The following IGSF9 variants were observed in gnomAD, a reference collection of about 807,000 sequenced individuals.
IGSF9 encodes the protein immunoglobulin superfamily member 9.
Under a neutral mutation model 121.7 loss-of-function variants are expected in IGSF9, and 87 were observed. The ratio of observed to expected loss-of-function variants is 0.71; its 90% CI spans 0.60 to 0.85. The LOEUF is 0.85. Ranked by LOEUF, IGSF9 falls within the 40% of genes least tolerant of loss-of-function variation. IGSF9 has a pLI of 0.00. For synonymous variants in IGSF9, 640 were observed against 648.4 expected (o/e 0.99, Z 0.20); for missense variants, 1,462 against 1,565.3 (o/e 0.93, Z 1.11).
intron 6 of IGSF9, 102 bp downstream of exon 6, chr1:159,936,297 G>A (rs1261954157): frequency 1.9e-6 from 2 of 1,047,878 alleles, no homozygotes; most frequent in East Asian, 2.4e-5. Context: ...CCTGCCCTCA[G>A]GCACAAATCT....
In IGSF9 at chr1:159,927,464, G is replaced by A. The variant is rs750420070; in HGVS notation, c.3421C>T (p.Arg1141Cys). 6 of 1,614,026 alleles carry A rather than the reference G, an allele frequency of 3.7e-6. No homozygotes were observed. Among genetic ancestry groups the A allele is most frequent in the South Asian group, 2.2e-5 (2 of 91,086 alleles). The part of the protein sequence containing the change: ...NTAHVTGPEA[R>C]CAALREEFLA... The stretch of plus-strand genomic sequence containing the variant: ...AATTCCTCCCGAAGGGCAGCACAGC[G>A]GGCCTCAGGGCCAGTAACATGGGCA... The change falls in exon 21 of 21, where the codon CGC becomes TGC. Residue 1141 changes from arginine to cysteine, a missense_variant. Arg to Cys is a radical substitution (Grantham distance 180). Transcript: ENST00000368094.
intron 6 of IGSF9, among the ~76,000 whole-genome samples, chr1:159,935,559 T>G (rs1340416183): frequency 6.6e-6 from 1 of 152,178 alleles, no homozygotes; most frequent in Non-Finnish European, 1.5e-5. Context: ...GCTACTACAG[T>G]TCCACTACTC....
At position 159,927,076 on chromosome 1, in the gene IGSF9, T is replaced by TCACACACACACA. The variant is rs138111490; in HGVS notation, c.*257_*268dup. ...TTTGTTTATTCACCTGTAAAAAACTTCACACACACACACACACACACAGAG... is the reference window on the plus strand; with the variant it reads ...TTTGTTTATTCACCTGTAAAAAACTTCACACACACACACACACACACACACACACACACAGAG... On this transcript the variant is annotated 3_prime_UTR_variant, in exon 21 of 21. Coordinates refer to ENST00000368094, the MANE Select transcript of IGSF9 (RefSeq NM_001135050.2). 2.7e-4 allele frequency: 96 copies of TCACACACACACA among 362,242 alleles called. No homozygotes were observed. Among genetic ancestry groups the TCACACACACACA allele is most frequent in the African/African-American group, 1.8e-3 (76 of 43,182 alleles). 22.4% of individuals were successfully genotyped at this position (362,242 alleles called of 1,614,324 possible).
In IGSF9 at chr1:159,934,547, A is replaced by G; in HGVS notation, c.839T>C (p.Ile280Thr). The G allele has an allele frequency of 6.2e-7, 1 of 1,613,944 alleles. No individual in the cohort carries two copies. Among genetic ancestry groups the G allele is most frequent in the South Asian group, 1.1e-5 (1 of 91,068 alleles). ...HISRLQPRVR[I>T]LVDGSLRLLA... ...CAGCCGCAGGCTCCCGTCCACCAGG[A>G]TCCGCACCCGGGGCTGCAGGCGGCT... The change falls in exon 8 of 21, where the codon ATC becomes ACC. Residue 280 changes from isoleucine to threonine, a missense_variant. Ile to Thr is a moderately conservative substitution (Grantham distance 89). Coordinates refer to ENST00000368094, the MANE Select transcript of IGSF9 (RefSeq NM_001135050.2).
intron 13 of IGSF9, 64 bp from the exon 14 acceptor site, chr1:159,930,931 A>G: frequency 6.7e-7 from 1 of 1,495,240 alleles, no homozygotes; most frequent in Non-Finnish European, 9.0e-7. Flanking sequence ...TCTGGGGTCC[A>G]GAGATCTAAC....
At position 159,937,716 on chromosome 1, in the gene IGSF9, T is replaced by C. The variant is rs766563398; in HGVS notation, c.370A>G (p.Asn124Asp). 1.6e-5 allele frequency: 26 copies of C among 1,613,826 alleles called. No homozygotes were observed. In the South Asian group the frequency reaches 2.6e-4, roughly 16 times the overall value. Residue 124 changes from asparagine to aspartate, a missense_variant, in exon 4 of 21, where the codon AAC becomes GAC. Transcript: ENST00000368094. ...DQHIPEDDFANGSWVHLTVNS... is the reference protein window; with the variant it reads ...DQHIPEDDFADGSWVHLTVNS... ...ACTGTCAGATGCACCCAGGAGCCGT[T>C]AGCAAAATCGTCTTCAGGGATGTGC...
rs961787849 is a variant in IGSF9, at chr1:159,932,003, C to T, written c.1246-75G>A. 8 of 901,442 alleles carry T rather than the reference C, an allele frequency of 8.9e-6. No homozygotes were observed. Among genetic ancestry groups the T allele is most frequent in the Non-Finnish European group, 1.4e-5 (8 of 575,072 alleles). 55.8% of individuals were successfully genotyped at this position (901,442 alleles called of 1,614,324 possible). On this transcript the variant is annotated intron_variant, in intron 10 of 20. Transcript: ENST00000368094. The surrounding 1 kb of genome is among the most constrained non-coding windows in gnomAD (Gnocchi z 4.1). ...TGGCTACTCCCTCTCTCTGTGCTCC[C>T]TGTCATGCCATGTCTCACCTCACTC...
At chr1:159,937,070 G>A (rs1651216895) in intron 4 of IGSF9, among the ~76,000 whole-genome samples, 162 bp from the exon 5 acceptor site, 1 of 152,196 alleles carries the variant, frequency 6.6e-6, no homozygotes, top group African/African-American at 2.4e-5. Flanking sequence ...CTGCACCCAG[G>A]CCAAATGAGG....
chr1:159,935,221 G>A (rs1651142568), intron 6 of IGSF9, among the ~76,000 whole-genome samples: 1 of 152,082 alleles, frequency 6.6e-6, no homozygotes, highest in South Asian at 2.1e-4. Context: ...AGCAGCCCCT[G>A]ACTCCAGGCT....
Position 159,942,999 on chromosome 1 carries a change from C to G in IGSF9, c.211G>C (p.Gly71Arg). The G allele has an allele frequency of 6.2e-7, 1 of 1,613,452 alleles. No individual in the cohort carries two copies. The highest frequency in any genetic ancestry group is 8.5e-7 in the Non-Finnish European group (1 of 1,179,730). ...GGGTCAATTCGGGGAGAGTAGAGGCCGAACTGGATGAAGATGGGAAGCAGG... is the reference window on the plus strand; with the variant it reads ...GGGTCAATTCGGGGAGAGTAGAGGCGGAACTGGATGAAGATGGGAAGCAGG... ...GFLLPIFIQF[G>R]LYSPRIDPDY... The change falls in exon 3 of 21, where the codon GGC (glycine) becomes CGC (arginine). Residue 71 changes from glycine (G) to arginine (R), a missense_variant. Physicochemically the swap from Gly to Arg is moderately radical, Grantham distance 125 (BLOSUM62 -2). Transcript: ENST00000368094.
intron 3 of IGSF9, among the ~76,000 whole-genome samples, chr1:159,941,987 C>T (rs1311488858): frequency 2.0e-5 from 3 of 152,254 alleles, no homozygotes; most frequent in Non-Finnish European, 4.4e-5. Context: ...CAAGGCTCAG[C>T]CAATCCCGGG....
chr1:159,927,069 A>G lies in IGSF9; in HGVS notation c.*276T>C. 2 of 507,816 alleles carry G rather than the reference A, an allele frequency of 3.9e-6. No homozygotes were observed. The highest frequency in any genetic ancestry group is 5.2e-4 in the Middle Eastern group (1 of 1,930). 31.5% of individuals were successfully genotyped at this position (507,816 alleles called of 1,614,324 possible). Reference sequence around the variant, plus strand: ...TTCAAACTTTGTTTATTCACCTGTAAAAAACTTCACACACACACACACACA... The same window carrying G: ...TTCAAACTTTGTTTATTCACCTGTAGAAAACTTCACACACACACACACACA... On this transcript the variant is annotated 3_prime_UTR_variant, in exon 21 of 21. Transcript: ENST00000368094.
At chr1:159,944,057 C>G (rs1340057223) in intron 1 of IGSF9, among the ~76,000 whole-genome samples, 1 of 152,146 alleles carries the variant, frequency 6.6e-6, no homozygotes, top group Admixed American at 6.5e-5. Context: ...TTGATGCTCA[C>G]AAGGTATAGC....
intron 3 of IGSF9, among the ~76,000 whole-genome samples, chr1:159,940,031 T>G (rs1338514664): frequency 6.6e-6 from 1 of 152,162 alleles, no homozygotes; most frequent in East Asian, 1.9e-4. Flanking sequence ...GGAAGGAAGA[T>G]TGAGTGTGGA....
In IGSF9 at chr1:159,927,095, CACAGAGAGAGAGAG is replaced by C. The variant is rs1650759605; in HGVS notation, c.*236_*249del. On this transcript the variant is annotated 3_prime_UTR_variant, in exon 21 of 21. Coordinates refer to ENST00000368094, the MANE Select transcript of IGSF9 (RefSeq NM_001135050.2). The stretch of plus-strand genomic sequence containing the variant: ...AAAACTTCACACACACACACACACA[CACAGAGAGAGAGAG>C]AGAGAGAGAGAGAGAGAGAGAGGCA... 1.3e-5 allele frequency: 6 copies of C among 451,108 alleles called. No individual in the cohort carries two copies. Among genetic ancestry groups the C allele is most frequent in the South Asian group, 1.1e-4 (4 of 35,532 alleles). 27.9% of individuals were successfully genotyped at this position (451,108 alleles called of 1,614,324 possible).
rs376404604 is a variant in IGSF9, at chr1:159,928,153, C to G, written c.3230+5G>C. 1.5e-5 allele frequency: 24 copies of G among 1,604,632 alleles called. No homozygotes were observed. The highest frequency in any genetic ancestry group is 2.0e-5 in the Non-Finnish European group (24 of 1,179,610). On this transcript the variant is annotated splice_donor_5th_base_variant and intron_variant, in intron 19 of 20. Transcript: ENST00000368094. The stretch of plus-strand genomic sequence containing the variant: ...GAGGCAGGGATGGGCAGGGACTGCT[C>G]TCACCTCTTGCTGACTGTCACCACA...
In IGSF9 at chr1:159,931,374, C is replaced by T; in HGVS notation, c.1513+79G>A. On this transcript the variant is annotated intron_variant, in intron 12 of 20. Transcript: ENST00000368094. This position sits in a 1 kb window ranked among gnomAD's most constrained non-coding sequence, Gnocchi z 4.8. ...ATCATCATCCCAGGGGTCCCACACC[C>T]ATGATCCTCTTTCTGGGCCTCCAAA... 6.3e-7 allele frequency: 1 copy of T among 1,597,584 alleles called. No homozygotes were observed. The highest frequency in any genetic ancestry group is 2.2e-5 in the East Asian group (1 of 44,646).
chr1:159,927,093 CACACAGAG>C lies in IGSF9; in HGVS notation c.*244_*251del. The C allele has an allele frequency of 1.5e-5, 8 of 535,922 alleles. No individual in the cohort carries two copies. The highest frequency in any genetic ancestry group is 2.2e-5 in the South Asian group (1 of 44,478). 33.2% of individuals were successfully genotyped at this position (535,922 alleles called of 1,614,324 possible). On this transcript the variant is annotated 3_prime_UTR_variant, in exon 21 of 21. Coordinates refer to ENST00000368094, the MANE Select transcript of IGSF9 (RefSeq NM_001135050.2). Reference sequence around the variant, plus strand: ...AAAAAACTTCACACACACACACACACACACAGAGAGAGAGAGAGAGAGAGAGAGAGAGA... The same window carrying C: ...AAAAAACTTCACACACACACACACACAGAGAGAGAGAGAGAGAGAGAGAGA...
chr1:159,927,406 C>G lies in IGSF9; in HGVS notation c.3479G>C (p.Arg1160Thr), dbSNP rs769997685. ...LAFRRRRDATRARLPAYRQPV... is the reference protein window; with the variant it reads ...LAFRRRRDATTARLPAYRQPV... ...CTGTCGATAGGCTGGTAGCCGAGCC[C>G]TAGTAGCATCTCGGCGGCGGCGGAA... Residue 1160 changes from arginine (R) to threonine (T), a missense_variant, in exon 21 of 21, where the codon AGG (arginine) becomes ACG (threonine). By Grantham distance (71) the Arg-to-Thr change is moderately conservative. Transcript: ENST00000368094. The G allele has an allele frequency of 9.3e-6, 15 of 1,613,882 alleles. No homozygotes were observed. Among genetic ancestry groups the G allele is most frequent in the Non-Finnish European group, 1.2e-5 (14 of 1,180,034 alleles).
Sources: allele counts gnomAD v4.1 joint callset (sites outside exome capture counted in the v4.1 genomes callset), GRCh38; gene constraint gnomAD v4.1.1; non-coding constraint Gnocchi (gnomAD v3.1); transcripts MANE v1.5; gene names NCBI Gene and HGNC (gene_info 2026-07-23, HGNC 2026-07-21).